ATG7: variants seen among roughly 807,000 people sequenced by gnomAD.
ATG7 encodes autophagy related 7.
Under a neutral mutation model 82.4 loss-of-function variants are expected in ATG7, and 70 were observed. The observed-to-expected ratio is 0.85, with a 90% CI of 0.70 to 1.04. ATG7 has a LOEUF of 1.04. Among genes scored for constraint, ATG7 ranks in the 50% least tolerant of loss-of-function variants. ATG7 has a pLI of 0.00. For missense variants in ATG7, 792 were observed against 864.3 expected (o/e 0.92, Z 1.05); for synonymous variants, 287 against 313.0 (o/e 0.92, Z 0.88).
chr3:11,496,908 G>A (rs937910724), intron 20 of ATG7, among the ~76,000 whole-genome samples: 1 of 151,974 alleles, frequency 6.6e-6, no homozygotes, highest in Admixed American at 6.6e-5. Context: ...CACCCAGGCT[G>A]GAGTGCAGTG....
intron 19 of ATG7, among the ~76,000 whole-genome samples, chr3:11,384,959 C>A (rs1324030270): frequency 6.6e-6 from 1 of 152,198 alleles, no homozygotes; most frequent in African/African-American, 2.4e-5. Context: ...GCCCCAAAAC[C>A]CCCGCCAGAA....
At chr3:11,290,304 AG>A (rs1457019063) in intron 3 of ATG7, 1 of 155,194 alleles carries the variant, frequency 6.4e-6, no homozygotes, top group Non-Finnish European at 1.4e-5. Context: ...GCCTTCATTC[AG>A]CACCTGGACT....
At chr3:11,445,096 T>C (rs1239521929) in intron 20 of ATG7, among the ~76,000 whole-genome samples, 2 of 152,210 alleles carry the variant, frequency 1.3e-5, no homozygotes, top group Non-Finnish European at 2.9e-5. Context: ...GCTTATACAC[T>C]ATTGGTGGAA....
chr3:11,350,150 T>G (rs1177513304), intron 14 of ATG7, among the ~76,000 whole-genome samples: 1 of 152,238 alleles, frequency 6.6e-6, no homozygotes, highest in Admixed American at 6.5e-5. Context: ...TAAAAATCTT[T>G]GCTTTAGAAG....
At chr3:11,436,024 C>T (rs2083340837) in intron 20 of ATG7, among the ~76,000 whole-genome samples, 1 of 152,074 alleles carries the variant, frequency 6.6e-6, no homozygotes, top group Non-Finnish European at 1.5e-5. Context: ...CGTTTGAGCC[C>T]AGGAGCTGGA....
Position 11,384,447 on chromosome 3 carries a change from TG to T in ATG7, c.1956+4398del, listed in dbSNP as rs538766852. Among the ~76,000 whole-genome samples, 37 of 152,316 alleles carry T rather than the reference TG, an allele frequency of 2.4e-4. 1 individual carries two copies. The East Asian group carries it at 7.1e-3, about 29-fold the overall frequency. On this transcript the variant is annotated intron_variant, in intron 19 of 20. Coordinates refer to ENST00000693202, the MANE Select transcript of ATG7 (RefSeq NM_001349232.2). ...ACTATGCAATAGGTTCTTCTGTTGA[TG>T]GGTTATGATTAAACTCCTCAAAGTG...
chr3:11,402,794 T>C (rs536798412), intron 19 of ATG7, among the ~76,000 whole-genome samples: 2 of 152,222 alleles, frequency 1.3e-5, no homozygotes, highest in African/African-American at 2.4e-5. Flanking sequence ...TAACAATTTT[T>C]TTAATGGAGT....
chr3:11,521,288 C>A (rs1231179658), intron 20 of ATG7, among the ~76,000 whole-genome samples: 1 of 152,036 alleles, frequency 6.6e-6, no homozygotes, highest in Non-Finnish European at 1.5e-5. Flanking sequence ...CTGACAAAGA[C>A]CAGGGGAAAG....
chr3:11,393,047 A>G (rs2078945932), intron 19 of ATG7, among the ~76,000 whole-genome samples: 2 of 152,198 alleles, frequency 1.3e-5, no homozygotes, highest in South Asian at 4.1e-4. Flanking sequence ...TTCTCAATAC[A>G]GGACACATCT....
At chr3:11,544,212 A>G (rs2071079415) in intron 20 of ATG7, among the ~76,000 whole-genome samples, 1 of 152,158 alleles carries the variant, frequency 6.6e-6, no homozygotes, top group Non-Finnish European at 1.5e-5. Flanking sequence ...CCATGCTGCG[A>G]TGGGGCTCCG....
chr3:11,457,058 A>T (rs984531555), intron 20 of ATG7, among the ~76,000 whole-genome samples: 1 of 152,212 alleles, frequency 6.6e-6, no homozygotes, highest in South Asian at 2.1e-4. Flanking sequence ...ATGTATCACC[A>T]AGGATGAAAA....
chr3:11,303,379 A>AG (rs1947101881), intron 5 of ATG7, among the ~76,000 whole-genome samples: 1 of 152,242 alleles, frequency 6.6e-6, no homozygotes, highest in African/African-American at 2.4e-5. Context: ...AGAAAAAAAA[A>AG]GAATTTTCCG....
intron 20 of ATG7, among the ~76,000 whole-genome samples, chr3:11,526,101 T>C (rs999999798): frequency 1.3e-5 from 2 of 152,092 alleles, no homozygotes; most frequent in Non-Finnish European, 2.9e-5. Context: ...ATCATAATCT[T>C]CATCAAGGGC....
chr3:11,562,610 G>A (rs1258815667), downstream of ATG7, among the ~76,000 whole-genome samples: 2 of 152,232 alleles, frequency 1.3e-5, no homozygotes, highest in African/African-American at 4.8e-5. Context: ...TCAGCAGGGC[G>A]CCCGAGCCCA....
chr3:11,562,121 A>C (rs2073075385), downstream of ATG7, among the ~76,000 whole-genome samples: 1 of 151,496 alleles, frequency 6.6e-6, no homozygotes. Context: ...TGGTCTCGAA[A>C]TCCTGGCCTC....
Position 11,538,420 on chromosome 3 carries a change from C to T in ATG7, c.2080-16391C>T, listed in dbSNP as rs7629575. ...GGACGAGACAGACCTATGTGTGGATCTCAGCTCTGCCATTTGCTAGCTGTG... is the reference window on the plus strand; with the variant it reads ...GGACGAGACAGACCTATGTGTGGATTTCAGCTCTGCCATTTGCTAGCTGTG... On this transcript the variant is annotated intron_variant, in intron 20 of 20. Transcript: ENST00000693202. Among the ~76,000 whole-genome samples the T allele has an allele frequency of 8.5e-5, 13 of 152,178 alleles. No homozygotes were observed. The South Asian group carries it at 2.7e-3, about 32-fold the overall frequency.
intron 19 of ATG7, among the ~76,000 whole-genome samples, chr3:11,400,619 A>G (rs7643330): frequency 0.83 from 125,692 of 151,968 alleles, 52,185 homozygotes; most frequent in East Asian, 1. Flanking sequence ...CCCCCACCCC[A>G]AAATACTGCT....
At chr3:11,505,752 G>A (rs1225388064) in intron 20 of ATG7, among the ~76,000 whole-genome samples, 1 of 152,216 alleles carries the variant, frequency 6.6e-6, no homozygotes, top group Non-Finnish European at 1.5e-5. Flanking sequence ...AGATGTTTGT[G>A]TGTCCTGGAG....
chr3:11,392,784 G>T (rs1455292867), intron 19 of ATG7, among the ~76,000 whole-genome samples: 1 of 152,140 alleles, frequency 6.6e-6, no homozygotes, highest in African/African-American at 2.4e-5. Context: ...AACTGATTTT[G>T]TGGCTCCTAA....
Sources: gnomAD v4.1 joint callset for allele counts (sites outside exome capture counted in the v4.1 genomes callset) on GRCh38, gnomAD v4.1.1 for gene constraint, MANE v1.5 for transcripts, NCBI Gene and HGNC (gene_info 2026-07-23, HGNC 2026-07-21) for gene names.